Variants in IL15 observed in about 807,000 individuals in gnomAD.
IL15 encodes interleukin 15.
A neutral mutation model predicts 19.6 loss-of-function variants in IL15; 11 were observed. The observed-to-expected ratio is 0.56, with a 90% CI of 0.35 to 0.93. IL15 has a LOEUF of 0.93. Among genes scored for constraint, IL15 ranks in the 40% least tolerant of loss-of-function variants. The probability of loss-of-function intolerance (pLI) is 0.01; values close to 1 mark genes in which losing one functional copy is unlikely to be tolerated. For synonymous variants in IL15, 58 were observed against 59.6 expected (o/e 0.97, Z 0.12); for missense variants, 197 against 186.5 (o/e 1.06, Z -0.33).
At chr4:141,656,579 A>G (rs41308481) in intron 2 of IL15, among the ~76,000 whole-genome samples, 1 of 152,188 alleles carries the variant, frequency 6.6e-6, no homozygotes, top group East Asian at 1.9e-4. Flanking sequence ...TGTCACAATG[A>G]GTCAACTCTG....
chr4:141,641,697 G>C (rs1281984306), intron 1 of IL15, among the ~76,000 whole-genome samples: 2 of 135,022 alleles, frequency 1.5e-5, no homozygotes, highest in Admixed American at 7.7e-5. Flanking sequence ...GTCATGGGGT[G>C]GGGGGAGGGG....
At chr4:141,686,405 A>G (rs956443179) in intron 2 of IL15, among the ~76,000 whole-genome samples, 1 of 152,226 alleles carries the variant, frequency 6.6e-6, no homozygotes, top group African/African-American at 2.4e-5. Context: ...GTGCATCAAA[A>G]TAATAAATTT....
At chr4:141,636,990 C>T (rs1471023079) in intron 1 of IL15, 1 of 152,290 alleles carries the variant, frequency 6.6e-6, no homozygotes, top group Admixed American at 6.5e-5. Flanking sequence ...TCCGGAGGAG[C>T]GCAGATCGCA....
intron 1 of IL15, among the ~76,000 whole-genome samples, chr4:141,641,798 A>T (rs998847195): frequency 6.6e-6 from 1 of 151,350 alleles, no homozygotes; most frequent in Non-Finnish European, 1.5e-5. Context: ...TATGTAACAA[A>T]CCTGCACGTT....
At chr4:141,700,012 G>A (rs190865524) in intron 2 of IL15, among the ~76,000 whole-genome samples, 345 of 151,980 alleles carry the variant, frequency 2.3e-3, no homozygotes, top group Non-Finnish European at 3.1e-3. Context: ...CCCATCTCCC[G>A]GGTTCAGGCG....
At chr4:141,726,358 C>G (rs1362474981) in intron 5 of IL15, among the ~76,000 whole-genome samples, 1 of 151,830 alleles carries the variant, frequency 6.6e-6, no homozygotes, top group Non-Finnish European at 1.5e-5. Flanking sequence ...AAATTAAAAC[C>G]ACAATGACAT....
At chr4:141,670,805 C>T (rs2152167177) in intron 2 of IL15, among the ~76,000 whole-genome samples, 1 of 152,230 alleles carries the variant, frequency 6.6e-6, no homozygotes, top group East Asian at 1.9e-4. Flanking sequence ...TACCTTTATA[C>T]TTGAAGTGTT....
intron 2 of IL15, among the ~76,000 whole-genome samples, chr4:141,683,205 G>A (rs1579016008): frequency 1.3e-5 from 2 of 151,556 alleles, no homozygotes; most frequent in South Asian, 4.2e-4. Context: ...GTAGGTGGAA[G>A]TTACAGTGAG....
intron 2 of IL15, among the ~76,000 whole-genome samples, chr4:141,671,139 T>C (rs1728163760): frequency 6.6e-6 from 1 of 152,176 alleles, no homozygotes; most frequent in Non-Finnish European, 1.5e-5. Flanking sequence ...GACAGAAAGA[T>C]GAGTAATATA....
chr4:141,723,516 G>A (rs943318685), intron 5 of IL15, among the ~76,000 whole-genome samples: 1 of 152,180 alleles, frequency 6.6e-6, no homozygotes, highest in Non-Finnish European at 1.5e-5. Flanking sequence ...AGACCCCTCA[G>A]AAGGAACATG....
intron 4 of IL15, chr4:141,721,199 G>A: frequency 1.1e-6 from 1 of 889,572 alleles, no homozygotes; most frequent in African/African-American, 1.6e-5. Context: ...TCATAAGACA[G>A]ATTAGTGTTG....
intron 7 of IL15, 74 bp from the exon 8 acceptor site, chr4:141,732,664 A>C: frequency 6.4e-7 from 1 of 1,565,744 alleles, no homozygotes; most frequent in South Asian, 1.2e-5. Context: ...AAACGATATG[A>C]TATTCCCATT....
intron 2 of IL15, chr4:141,716,430 C>T (rs1050186091): frequency 9.9e-5 from 15 of 152,264 alleles, no homozygotes; most frequent in Non-Finnish European, 4.4e-5. Flanking sequence ...CAGCTTGACC[C>T]ACTGCTTCAC....
At chr4:141,688,599 A>G (rs1388544420) in intron 2 of IL15, among the ~76,000 whole-genome samples, 1 of 152,176 alleles carries the variant, frequency 6.6e-6, no homozygotes, top group Non-Finnish European at 1.5e-5. Flanking sequence ...TCCTTTTCTC[A>G]GTGGAATTTT....
intron 2 of IL15, among the ~76,000 whole-genome samples, chr4:141,660,649 A>G (rs754620870): frequency 1.3e-5 from 2 of 152,162 alleles, no homozygotes; most frequent in African/African-American, 2.4e-5. Context: ...TTTACCAGGA[A>G]ATTGTGACAT....
intron 2 of IL15, among the ~76,000 whole-genome samples, chr4:141,661,961 T>C (rs1727805947): frequency 6.6e-6 from 1 of 152,212 alleles, no homozygotes; most frequent in Admixed American, 6.5e-5. Context: ...TCTTTACTGT[T>C]CCATGGATTA....
intron 2 of IL15, among the ~76,000 whole-genome samples, chr4:141,705,463 C>T (rs1266702476): frequency 6.6e-6 from 1 of 151,916 alleles, no homozygotes; most frequent in East Asian, 1.9e-4. Flanking sequence ...TGATCTCTAT[C>T]TTCTTAAAAA....
chr4:141,647,116 A>C (rs2152153500), intron 1 of IL15, among the ~76,000 whole-genome samples: 1 of 152,230 alleles, frequency 6.6e-6, no homozygotes, highest in East Asian at 1.9e-4. Flanking sequence ...TTGGCACTTC[A>C]GCAGTTAATA....
intron 2 of IL15, among the ~76,000 whole-genome samples, chr4:141,704,292 T>C (rs1560928647): frequency 6.6e-6 from 1 of 152,218 alleles, no homozygotes; most frequent in Non-Finnish European, 1.5e-5. Context: ...TTTCTGCATA[T>C]TATCATCTGG....
Sources: gnomAD v4.1 joint callset for allele counts (sites outside exome capture counted in the v4.1 genomes callset) on GRCh38, gnomAD v4.1.1 for gene constraint, MANE v1.5 for transcripts, NCBI Gene and HGNC (gene_info 2026-07-23, HGNC 2026-07-21) for gene names.